PIAS1: variants seen among roughly 807,000 people sequenced by gnomAD.
The protein encoded by PIAS1 is protein inhibitor of activated STAT 1.
PIAS1 carries 6 observed loss-of-function variants against 71.3 expected under a neutral mutation model. The observed-to-expected ratio is 0.08, with a 90% CI of 0.05 to 0.17. The LOEUF is 0.17. Ranked by LOEUF, PIAS1 falls within the 10% of genes least tolerant of loss-of-function variation. PIAS1 has a pLI of 1.00. For missense variants in PIAS1, 555 were observed against 793.6 expected, an observed-to-expected ratio of 0.70 and a Z score of 3.61; for synonymous variants, 303 against 292.9, an observed-to-expected ratio of 1.03 and a Z score of -0.35.
chr15:68,086,396 A>G lies in PIAS1; in HGVS notation c.115A>G (p.Thr39Ala), dbSNP rs1295862159. The change falls in exon 2 of 14, where the codon ACA (threonine) becomes GCA (alanine). Residue 39 changes from threonine (T) to alanine (A), a missense_variant. By Grantham distance (58) the Thr-to-Ala change is moderately conservative. Coordinates refer to ENST00000249636, the MANE Select transcript of PIAS1 (RefSeq NM_016166.3). This position sits in a 1 kb window ranked among gnomAD's most constrained non-coding sequence, Gnocchi z 7.2. ...GCACGGACGCAAACACGAACTTCTC[A>G]CAAAAGCCCTGCATTTGCTAAAGGC... ...NKHGRKHELL[T>A]KALHLLKAGC... 6.2e-7 allele frequency: 1 copy of G among 1,613,400 alleles called. No individual in the cohort carries two copies. Among genetic ancestry groups the G allele is most frequent in the East Asian group, 2.2e-5 (1 of 44,860 alleles).
intron 2 of PIAS1, among the ~76,000 whole-genome samples, chr15:68,103,075 G>C (rs144612196): frequency 4.0e-5 from 6 of 151,794 alleles, no homozygotes; most frequent in Non-Finnish European, 7.4e-5. Flanking sequence ...CTATAGGTGC[G>C]CACCACCACA....
intron 4 of PIAS1, among the ~76,000 whole-genome samples, chr15:68,144,814 C>A (rs1483770724): frequency 6.6e-6 from 1 of 152,058 alleles, no homozygotes; most frequent in African/African-American, 2.4e-5. Flanking sequence ...TAAAACTGAA[C>A]ATGTATATGT....
At chr15:68,099,190 G>C (rs1048422855) in intron 2 of PIAS1, among the ~76,000 whole-genome samples, 1 of 150,514 alleles carries the variant, frequency 6.6e-6, no homozygotes, top group Non-Finnish European at 1.5e-5. Flanking sequence ...AAAGCACATC[G>C]TTATTTATTT....
At chr15:68,069,646 C>A (rs1357101602) in intron 1 of PIAS1, among the ~76,000 whole-genome samples, 5 of 151,798 alleles carry the variant, frequency 3.3e-5, no homozygotes, top group Admixed American at 1.3e-4. Flanking sequence ...ACTAAAAATA[C>A]AAAAAATTAG....
At position 68,185,150 on chromosome 15, in the gene PIAS1, A is replaced by G. The variant is rs991249150; in HGVS notation, c.1662+1483A>G. 2.6e-5 allele frequency: 4 copies of G among 152,158 alleles called. No individual in the cohort carries two copies. The highest frequency in any genetic ancestry group is 4.1e-4 in the South Asian group (2 of 4,822). The allele number at this position is 152,158 out of a possible 1,614,324, so 9.4% of individuals were successfully genotyped here. ...ATATACCACCTCTTTGATCCAACCAATGAATCAAGGAGTTGTAGCAGTTTT... is the reference window on the plus strand; with the variant it reads ...ATATACCACCTCTTTGATCCAACCAGTGAATCAAGGAGTTGTAGCAGTTTT... On this transcript the variant is annotated intron_variant, in intron 13 of 13. Coordinates refer to ENST00000249636, the MANE Select transcript of PIAS1 (RefSeq NM_016166.3). The surrounding 1 kb of genome is among the most constrained non-coding windows in gnomAD (Gnocchi z 4.4).
chr15:68,152,087 C>T (rs2092851264), intron 6 of PIAS1, among the ~76,000 whole-genome samples: 1 of 150,702 alleles, frequency 6.6e-6, no homozygotes, highest in Admixed American at 6.6e-5. Context: ...GTAGCTGGGA[C>T]TACAGGCACG....
At chr15:68,089,917 T>A (rs1283834206) in intron 2 of PIAS1, among the ~76,000 whole-genome samples, 1 of 151,982 alleles carries the variant, frequency 6.6e-6, no homozygotes, top group Non-Finnish European at 1.5e-5. Context: ...TCTTGCTCTG[T>A]TGCCCAGGCT....
chr15:68,163,157 A>G (rs1330350248), intron 7 of PIAS1, among the ~76,000 whole-genome samples: 2 of 152,222 alleles, frequency 1.3e-5, no homozygotes, highest in African/African-American at 2.4e-5. Flanking sequence ...TTCTATTTGC[A>G]TGTTTATTTC....
At position 68,173,713 on chromosome 15, in the gene PIAS1, T is replaced by G. The variant is rs748238962; in HGVS notation, c.1009-19T>G. The G allele has an allele frequency of 6.7e-7, 1 of 1,498,332 alleles. No homozygotes were observed. The highest frequency in any genetic ancestry group is 9.0e-7 in the Non-Finnish European group (1 of 1,112,572). The allele number at this position is 1,498,332 out of a possible 1,614,324, so 92.8% of individuals were successfully genotyped here. A position where few individuals can be genotyped will look rare whatever the true frequency, so the allele number is the denominator to read the frequency against. ...TGAATAGCAATTATCTAATATTTAC[T>G]TTTTCTCCCTTTTTAAAGCTTGGTA... On this transcript the variant is annotated intron_variant, in intron 8 of 13. Transcript: ENST00000249636. The surrounding 1 kb of genome is among the most constrained non-coding windows in gnomAD (Gnocchi z 4.3).
At position 68,101,567 on chromosome 15, in the gene PIAS1, C is replaced by G. The variant is rs183388941; in HGVS notation, c.469+14817C>G. Among the ~76,000 whole-genome samples the G allele has an allele frequency of 3.8e-3, 573 of 152,242 alleles. 2 individuals carry two copies. Among genetic ancestry groups the G allele is most frequent in the African/African-American group, 0.013 (542 of 41,542 alleles). ...TACCTTAATCTCAAATTCCTGGGCT[C>G]GAGCAGCCCTCCTGCCTCAGCCTCC... is the stretch of plus-strand genomic sequence containing the variant. On this transcript the variant is annotated intron_variant, in intron 2 of 13. Coordinates refer to ENST00000249636, the MANE Select transcript of PIAS1 (RefSeq NM_016166.3).
chr15:68,177,880 G>T (rs1431109574), intron 11 of PIAS1, among the ~76,000 whole-genome samples: 1 of 152,196 alleles, frequency 6.6e-6, no homozygotes, highest in Non-Finnish European at 1.5e-5. Context: ...CACATGGCCT[G>T]TTGCAACTGA....
intron 8 of PIAS1, among the ~76,000 whole-genome samples, chr15:68,166,083 A>G (rs922511090): frequency 5.9e-5 from 9 of 152,172 alleles, no homozygotes; most frequent in African/African-American, 2.2e-4. Flanking sequence ...ATCATGAATT[A>G]GTTTCTGTAA....
intron 1 of PIAS1, among the ~76,000 whole-genome samples, chr15:68,059,038 T>C (rs2140951207): frequency 1.4e-5 from 2 of 139,580 alleles, no homozygotes; most frequent in South Asian, 4.7e-4. Flanking sequence ...GGAGTCTTCC[T>C]CTGTTGCCCA....
intron 2 of PIAS1, among the ~76,000 whole-genome samples, chr15:68,119,528 A>T (rs1332872578): frequency 6.6e-6 from 1 of 152,082 alleles, no homozygotes; most frequent in Non-Finnish European, 1.5e-5. Context: ...CTACTGTGGG[A>T]CAGTATACTT....
At chr15:68,150,493 A>T (rs1213365804) in intron 6 of PIAS1, among the ~76,000 whole-genome samples, 1 of 152,220 alleles carries the variant, frequency 6.6e-6, no homozygotes, top group South Asian at 2.1e-4. Flanking sequence ...TGAATAGTTC[A>T]TGTAGAATAT....
At chr15:68,118,905 T>G (rs1179474306) in intron 2 of PIAS1, among the ~76,000 whole-genome samples, 3 of 151,992 alleles carry the variant, frequency 2.0e-5, no homozygotes, top group African/African-American at 7.3e-5. Context: ...GCTTAAACCT[T>G]GAAAGCACAG....
chr15:68,119,247 A>AAAAAAG, intron 2 of PIAS1, among the ~76,000 whole-genome samples: 1 of 144,086 alleles, frequency 6.9e-6, no homozygotes, highest in Non-Finnish European at 1.5e-5. Context: ...CAAAAAAAAA[A>AAAAAAG]AAAAAAAAAA....
At chr15:68,181,002 C>T (rs768784205) in intron 11 of PIAS1, among the ~76,000 whole-genome samples, 91 of 152,304 alleles carry the variant, frequency 6.0e-4, no homozygotes, top group Non-Finnish European at 1.0e-3. Context: ...CATCTGTCCA[C>T]TTCTTCCTGT....
chr15:68,181,189 A>G, intron 11 of PIAS1, 23 bp from the exon 12 acceptor site: 1 of 1,608,968 alleles, frequency 6.2e-7, no homozygotes, highest in Non-Finnish European at 8.5e-7. Flanking sequence ...AATGAAAACT[A>G]TGCCAATCTT....
Sources: gnomAD v4.1 joint callset for allele counts (sites outside exome capture counted in the v4.1 genomes callset) on GRCh38, gnomAD v4.1.1 for gene constraint, Gnocchi (gnomAD v3.1) non-coding constraint, MANE v1.5 for transcripts, NCBI Gene and HGNC (gene_info 2026-07-23, HGNC 2026-07-21) for gene names.